CREB5: variants seen among roughly 807,000 people sequenced by gnomAD.
CREB5 encodes cAMP responsive element binding protein 5, also known as cyclic AMP-responsive element-binding protein 5.
CREB5 carries 19 observed loss-of-function variants against 57.1 expected under a neutral mutation model. That is an observed-to-expected ratio of 0.33 (90% CI 0.23 to 0.49). The LOEUF (loss-of-function observed/expected upper bound fraction) is 0.49. Among genes scored for constraint, CREB5 ranks in the 20% least tolerant of loss-of-function variants. The probability of loss-of-function intolerance (pLI) is 0.99; values close to 1 mark genes in which losing one functional copy is unlikely to be tolerated. For missense variants in CREB5, 579 were observed against 671.6 expected (o/e 0.86, Z 1.52); for synonymous variants, 238 against 238.3 (o/e 1.00, Z 0.01).
intron 5 of CREB5, among the ~76,000 whole-genome samples, chr7:28,592,915 C>T (rs975198575): frequency 1.3e-5 from 2 of 152,176 alleles, no homozygotes; most frequent in African/African-American, 2.4e-5. Context: ...GATGAGGAGA[C>T]TTCGGCACAG....
intron 2 of CREB5, among the ~76,000 whole-genome samples, chr7:28,492,153 C>A (rs1486042289): frequency 2.0e-5 from 3 of 152,168 alleles, no homozygotes; most frequent in Admixed American, 6.5e-5. Context: ...GCACTTGCCA[C>A]CACGCCTGGC....
chr7:28,719,173 C>T (rs75958021), intron 6 of CREB5, among the ~76,000 whole-genome samples: 1 of 152,288 alleles, frequency 6.6e-6, no homozygotes, highest in East Asian at 1.9e-4. Context: ...TTCATATCTA[C>T]TCCAAAGTCT....
intron 7 of CREB5, among the ~76,000 whole-genome samples, chr7:28,735,116 T>G (rs1329866695): frequency 5.3e-5 from 8 of 152,198 alleles, no homozygotes; most frequent in Non-Finnish European, 1.0e-4. Flanking sequence ...TGGTTTTTTT[T>G]GTTTTTTTGT....
At chr7:28,419,723 T>C (rs1788164771) in intron 1 of CREB5, among the ~76,000 whole-genome samples, 1 of 152,208 alleles carries the variant, frequency 6.6e-6, no homozygotes, top group Non-Finnish European at 1.5e-5. Flanking sequence ...GTAACTCCTA[T>C]TGGCCAAATA....
At chr7:28,309,634 C>T (rs1363448059) in intron 1 of CREB5, among the ~76,000 whole-genome samples, 1 of 152,204 alleles carries the variant, frequency 6.6e-6, no homozygotes, top group South Asian at 2.1e-4. Flanking sequence ...GAGAGCCCAC[C>T]TACCAGCCCT....
chr7:28,691,851 C>A (rs1312448135), intron 5 of CREB5, among the ~76,000 whole-genome samples: 1 of 151,900 alleles, frequency 6.6e-6, no homozygotes. Flanking sequence ...ATAGGCTGGG[C>A]CAATCTGGAA....
At chr7:28,708,611 T>C (rs965281519) in intron 5 of CREB5, among the ~76,000 whole-genome samples, 7 of 152,134 alleles carry the variant, frequency 4.6e-5, no homozygotes, top group Admixed American at 6.5e-5. Context: ...TTTATAAGAG[T>C]TCTGTTTTCA....
chr7:28,799,371 T>A lies in CREB5; in HGVS notation c.703-4828T>A, dbSNP rs117499005. ...CCTTCAAATAGTGGGCAAATAACAA[T>A]GTGCCTATTATGGTACCTGGCACAT... On this transcript the variant is annotated intron_variant, in intron 7 of 10. Coordinates refer to ENST00000357727, the MANE Select transcript of CREB5 (RefSeq NM_182898.4). 1.2e-4 allele frequency among the ~76,000 whole-genome samples: 19 copies of A among 152,374 alleles called. No individual in the cohort carries two copies. In the East Asian group the frequency reaches 3.7e-3, roughly 29 times the overall value.
intron 1 of CREB5, among the ~76,000 whole-genome samples, chr7:28,394,176 A>G (rs1787292605): frequency 6.6e-6 from 1 of 151,656 alleles, no homozygotes; most frequent in African/African-American, 2.4e-5. Context: ...TTAAAAAAAG[A>G]AATATAATTG....
intron 4 of CREB5, among the ~76,000 whole-genome samples, chr7:28,547,782 C>T (rs920938183): frequency 9.2e-5 from 14 of 152,268 alleles, no homozygotes; most frequent in South Asian, 4.1e-4. Flanking sequence ...TGTCATCTTT[C>T]GGTATGTAGC....
chr7:28,729,259 A>G (rs1354302491), intron 7 of CREB5, among the ~76,000 whole-genome samples: 1 of 152,188 alleles, frequency 6.6e-6, no homozygotes, highest in African/African-American at 2.4e-5. Context: ...AGATAAAGCC[A>G]TATTTTAAAC....
chr7:28,411,104 A>G (rs1047480859), upstream of CREB5, among the ~76,000 whole-genome samples: 6 of 152,244 alleles, frequency 3.9e-5, no homozygotes, highest in Admixed American at 6.5e-5. Context: ...TAAGAAAGGC[A>G]CCAGTAAGCC....
chr7:28,436,796 G>A lies in CREB5; in HGVS notation c.3+23879G>A, dbSNP rs189666830. On this transcript the variant is annotated intron_variant, in intron 1 of 10. Coordinates refer to ENST00000357727, the MANE Select transcript of CREB5 (RefSeq NM_182898.4). ...TCATTGCCTCTGATAAAGGGGACCA[G>A]CCCCACATTTCACACCATTTGATTG... Among the ~76,000 whole-genome samples, 561 of 152,190 alleles carry A rather than the reference G, an allele frequency of 3.7e-3. 3 individuals carry two copies. Among genetic ancestry groups the A allele is most frequent in the African/African-American group, 0.012 (487 of 41,530 alleles).
Position 28,741,938 on chromosome 7 carries a change from C to T in CREB5, c.702+17606C>T, listed in dbSNP as rs139422657. Among the ~76,000 whole-genome samples the T allele has an allele frequency of 6.2e-3, 936 of 151,664 alleles. 11 individuals are homozygous for T. The highest frequency in any genetic ancestry group is 0.021 in the African/African-American group (877 of 41,318). ...AAAATTAGCCAGGCGTGGTGGTGTG[C>T]GCCTGTAGTCCCAGCTACTTGGGAG... On this transcript the variant is annotated intron_variant, in intron 7 of 10. Transcript: ENST00000357727.
intron 5 of CREB5, among the ~76,000 whole-genome samples, chr7:28,593,500 C>T (rs1796596295): frequency 6.6e-6 from 1 of 152,224 alleles, no homozygotes; most frequent in African/African-American, 2.4e-5. Flanking sequence ...CTGCCCACCT[C>T]AGCCTCCAAA....
intron 1 of CREB5, among the ~76,000 whole-genome samples, chr7:28,355,286 G>T (rs1223249412): frequency 6.6e-6 from 1 of 152,186 alleles, no homozygotes; most frequent in Non-Finnish European, 1.5e-5. Flanking sequence ...GGACAGAGGA[G>T]GTCTGGTGGA....
At chr7:28,350,185 A>G (rs1300219208) in intron 1 of CREB5, among the ~76,000 whole-genome samples, 1 of 152,172 alleles carries the variant, frequency 6.6e-6, no homozygotes, top group Non-Finnish European at 1.5e-5. Flanking sequence ...ATCCATATCC[A>G]TATTCATAAT....
At chr7:28,532,023 G>A (rs190794792) in intron 4 of CREB5, among the ~76,000 whole-genome samples, 15 of 152,258 alleles carry the variant, frequency 9.9e-5, no homozygotes, top group South Asian at 6.2e-4. Flanking sequence ...GCAAGACTCC[G>A]TCTCAAAAAA....
intron 1 of CREB5, among the ~76,000 whole-genome samples, chr7:28,421,577 A>G (rs2128009863): frequency 6.6e-6 from 1 of 152,162 alleles, no homozygotes; most frequent in East Asian, 1.9e-4. Context: ...ATTTTGACAC[A>G]TAGGAGAATC....
Sources: gnomAD v4.1 joint callset for allele counts (sites outside exome capture counted in the v4.1 genomes callset) on GRCh38, gnomAD v4.1.1 for gene constraint, MANE v1.5 for transcripts, NCBI Gene and HGNC (gene_info 2026-07-23, HGNC 2026-07-21) for gene names.